The following TRAPPC9 variants were observed in gnomAD, a reference collection of about 807,000 sequenced individuals.
TRAPPC9 encodes the protein trafficking protein particle complex subunit 9.
A neutral mutation model predicts 124.0 loss-of-function variants in TRAPPC9; 83 were observed. The observed-to-expected ratio is 0.67, with a 90% confidence interval of 0.56 to 0.80. The LOEUF is 0.80. Ranked by LOEUF, TRAPPC9 falls within the 30% of genes least tolerant of loss-of-function variation. The pLI, the probability that TRAPPC9 is intolerant of heterozygous loss-of-function variation, is 0.00. For missense variants in TRAPPC9, 1,302 were observed against 1,508.3 expected (o/e 0.86, Z 2.27); for synonymous variants, 638 against 617.5 (o/e 1.03, Z -0.49).
At chr8:140,119,152 CAGG>C (rs1337609600) in intron 17 of TRAPPC9, among the ~76,000 whole-genome samples, 2 of 152,316 alleles carry the variant, frequency 1.3e-5, no homozygotes, top group East Asian at 3.9e-4. Flanking sequence ...GAGTGCACAG[CAGG>C]AGAAGAGGAC....
intron 15 of TRAPPC9, among the ~76,000 whole-genome samples, chr8:140,265,163 G>A (rs1322282115): frequency 1.4e-5 from 2 of 145,276 alleles, no homozygotes; most frequent in Non-Finnish European, 3.1e-5. Context: ...CACAGAAGCA[G>A]CAGAGTGCAA....
At chr8:140,233,623 C>CCACACACACACACA (rs35452775) in intron 16 of TRAPPC9, among the ~76,000 whole-genome samples, 26,775 of 90,586 alleles carry the variant, frequency 0.3, 4,414 homozygotes, top group Admixed American at 0.39. Flanking sequence ...TCTCTCCCCA[C>CCACACACACACACA]CACACACACA....
intron 21 of TRAPPC9, among the ~76,000 whole-genome samples, chr8:139,842,273 T>A (rs1196462752): frequency 6.6e-6 from 1 of 152,198 alleles, no homozygotes; most frequent in Non-Finnish European, 1.5e-5. Flanking sequence ...TTTCTCCTCC[T>A]CCACCTGCTT....
At chr8:140,284,147 C>T (rs746695271) in intron 13 of TRAPPC9, 126 bp from the exon 14 acceptor site, 167 of 1,280,376 alleles carry the variant, frequency 1.3e-4, no homozygotes, top group Non-Finnish European at 1.7e-4. Context: ...TGCCCGGGGC[C>T]CGCCGGCGCT....
At chr8:140,203,065 A>G (rs934969552) in intron 17 of TRAPPC9, among the ~76,000 whole-genome samples, 2 of 152,242 alleles carry the variant, frequency 1.3e-5, no homozygotes, top group African/African-American at 4.8e-5. Context: ...GTGGTCCTGT[A>G]TTGTATACTG....
chr8:140,047,723 G>A (rs1239366980), intron 17 of TRAPPC9, among the ~76,000 whole-genome samples: 4 of 152,166 alleles, frequency 2.6e-5, no homozygotes, highest in African/African-American at 7.2e-5. Context: ...TGCCAGCCCC[G>A]AGTTCCGGTG....
chr8:139,838,887 C>T (rs559554616), intron 21 of TRAPPC9, among the ~76,000 whole-genome samples: 1 of 152,320 alleles, frequency 6.6e-6, no homozygotes, highest in Admixed American at 6.5e-5. Context: ...CCCAGGGCCT[C>T]ACCTGGATGT....
chr8:140,302,239 C>T (rs759422570), intron 10 of TRAPPC9, among the ~76,000 whole-genome samples: 7 of 152,188 alleles, frequency 4.6e-5, no homozygotes, highest in Non-Finnish European at 8.8e-5. Flanking sequence ...CTCAGTGACT[C>T]ACGGCAGGAG....
In TRAPPC9 at chr8:140,166,492, A is replaced by G. The variant is rs75454511; in HGVS notation, c.2556+54967T>C. 2.9e-3 allele frequency among the ~76,000 whole-genome samples: 449 copies of G among 152,350 alleles called. 3 individuals carry two copies. The highest frequency in any genetic ancestry group is 0.01 in the African/African-American group (433 of 41,582). ...CCCACAGGGAGTCAGGACTGTGAAC[A>G]CACACAGGAGCGTGTGCAAGCAGTC... On this transcript the variant is annotated intron_variant, in intron 17 of 22. Coordinates refer to ENST00000438773, the MANE Select transcript of TRAPPC9 (RefSeq NM_001160372.4).
rs554503950 is a variant in TRAPPC9 at position 140,104,192 on chromosome 8, T to C, written c.2557-80113A>G. On this transcript the variant is annotated intron_variant, in intron 17 of 22. Transcript: ENST00000438773. This position sits in a 1 kb window ranked among gnomAD's most constrained non-coding sequence, Gnocchi z 4.0. ...AAACAAAGAATGACAGTAGAATACA[T>C]GTGCTACACTGTATGCCAGGGCTGT... 6.6e-6 allele frequency among the ~76,000 whole-genome samples: 1 copy of C among 152,254 alleles called. No homozygotes were observed. The highest frequency in any genetic ancestry group is 1.9e-4 in the East Asian group (1 of 5,176).
chr8:139,876,890 G>C (rs925129709), intron 21 of TRAPPC9, among the ~76,000 whole-genome samples: 1 of 152,212 alleles, frequency 6.6e-6, no homozygotes, highest in Non-Finnish European at 1.5e-5. Context: ...TTTGGACCTT[G>C]AGCCATGCTC....
intron 21 of TRAPPC9, among the ~76,000 whole-genome samples, chr8:139,752,153 A>G (rs927894141): frequency 1.4e-5 from 2 of 147,590 alleles, no homozygotes; most frequent in Admixed American, 6.8e-5. Context: ...ATCCATCTAT[A>G]TACCATCCAT....
At chr8:140,349,344 GGGGGCGCGC>G (rs1282496605) in intron 9 of TRAPPC9, among the ~76,000 whole-genome samples, 35 of 136,788 alleles carry the variant, frequency 2.6e-4, no homozygotes, top group Non-Finnish European at 1.5e-4. Flanking sequence ...GGGGGCCGAA[GGGGGCGCGC>G]GAGGGAAGGG....
intron 11 of TRAPPC9, among the ~76,000 whole-genome samples, chr8:140,297,009 G>A (rs1316275651): frequency 6.6e-6 from 1 of 152,244 alleles, no homozygotes; most frequent in Non-Finnish European, 1.5e-5. Flanking sequence ...TCCCCACGGA[G>A]CTCGGAAGAC....
chr8:140,143,110 C>T (rs1284098830), intron 17 of TRAPPC9, among the ~76,000 whole-genome samples: 2 of 152,214 alleles, frequency 1.3e-5, no homozygotes, highest in African/African-American at 4.8e-5. Context: ...AGGAACAGGA[C>T]AGAGAATAAA....
intron 16 of TRAPPC9, among the ~76,000 whole-genome samples, chr8:140,223,058 G>A (rs2063372861): frequency 6.6e-6 from 1 of 152,120 alleles, no homozygotes; most frequent in Non-Finnish European, 1.5e-5. Flanking sequence ...AGGATGTGCA[G>A]GTTTATTCCA....
intron 21 of TRAPPC9, among the ~76,000 whole-genome samples, chr8:139,882,740 G>A (rs1350831750): frequency 6.6e-6 from 1 of 152,192 alleles, no homozygotes; most frequent in Non-Finnish European, 1.5e-5. Context: ...GCACATAATA[G>A]ACATCATCTC....
At chr8:140,077,240 T>C (rs1843564083) in intron 17 of TRAPPC9, among the ~76,000 whole-genome samples, 1 of 152,124 alleles carries the variant, frequency 6.6e-6, no homozygotes, top group African/African-American at 2.4e-5. Flanking sequence ...ATTGAACAAA[T>C]ATCTTCCCAT....
intron 9 of TRAPPC9, among the ~76,000 whole-genome samples, chr8:140,318,815 C>G (rs891172710): frequency 6.6e-6 from 1 of 152,166 alleles, no homozygotes; most frequent in Non-Finnish European, 1.5e-5. Context: ...GCTTGGAGAA[C>G]TGAAATTATT....
Sources: allele counts gnomAD v4.1 joint callset (sites outside exome capture counted in the v4.1 genomes callset), GRCh38; gene constraint gnomAD v4.1.1; non-coding constraint Gnocchi (gnomAD v3.1); transcripts MANE v1.5; gene names NCBI Gene and HGNC (gene_info 2026-07-23, HGNC 2026-07-21).